Variants in DOK6 observed in about 807,000 individuals in gnomAD.
DOK6 encodes the protein downstream of tyrosine kinase 6.
A neutral mutation model predicts 44.0 loss-of-function variants in DOK6; 22 were observed. The ratio of observed to expected loss-of-function variants is 0.50; its 90% confidence interval spans 0.36 to 0.71. DOK6 has a LOEUF of 0.71. Among genes scored for constraint, DOK6 ranks in the 30% least tolerant of loss-of-function variants. The probability of loss-of-function intolerance (pLI) is 0.00; values close to 1 mark genes in which losing one functional copy is unlikely to be tolerated. For synonymous variants in DOK6, 166 were observed against 145.5 expected (o/e 1.14, Z -1.01); for missense variants, 340 against 416.4 (o/e 0.82, Z 1.60).
chr18:69,446,401 G>A (rs1979292890), intron 1 of DOK6, among the ~76,000 whole-genome samples: 1 of 151,762 alleles, frequency 6.6e-6, no homozygotes, highest in Admixed American at 6.6e-5. Flanking sequence ...GTTTTTTATG[G>A]CTGCATAGTA....
intron 2 of DOK6, among the ~76,000 whole-genome samples, chr18:69,575,568 A>C (rs1014921968): frequency 2.0e-5 from 3 of 152,142 alleles, no homozygotes; most frequent in African/African-American, 7.2e-5. Flanking sequence ...CAAATAAAAA[A>C]AAGTTGAGCC....
At chr18:69,439,110 A>G (rs1979066550) in intron 1 of DOK6, among the ~76,000 whole-genome samples, 2 of 152,122 alleles carry the variant, frequency 1.3e-5, no homozygotes, top group African/African-American at 4.8e-5. Flanking sequence ...CATTTCCATC[A>G]GAGCTCTTGG....
At chr18:69,624,099 G>A (rs934345206) in intron 3 of DOK6, among the ~76,000 whole-genome samples, 11 of 152,018 alleles carry the variant, frequency 7.2e-5, no homozygotes, top group Admixed American at 1.3e-4. Flanking sequence ...CATTATTTGA[G>A]GAGTTCTAGT....
At chr18:69,422,726 C>T (rs76485019) in intron 1 of DOK6, among the ~76,000 whole-genome samples, 5,555 of 152,152 alleles carry the variant, frequency 0.037, 159 homozygotes, top group Non-Finnish European at 0.052. Flanking sequence ...TTTTACTGCT[C>T]GCTCAATTAT....
At chr18:69,641,193 G>A (rs1264868991) in intron 3 of DOK6, among the ~76,000 whole-genome samples, 1 of 150,286 alleles carries the variant, frequency 6.7e-6, no homozygotes, top group African/African-American at 2.5e-5. Flanking sequence ...CCAGCCTGGT[G>A]ACAGAGCAAG....
chr18:69,657,725 C>G (rs551565897), intron 3 of DOK6, among the ~76,000 whole-genome samples: 1 of 152,158 alleles, frequency 6.6e-6, no homozygotes, highest in East Asian at 1.9e-4. Flanking sequence ...GGAAAACTGG[C>G]CCAACACAAG....
At chr18:69,795,905 G>C (rs991213520) in intron 7 of DOK6, among the ~76,000 whole-genome samples, 1 of 152,214 alleles carries the variant, frequency 6.6e-6, no homozygotes, top group African/African-American at 2.4e-5. Flanking sequence ...ACTGTGGAAA[G>C]CAGCTTTGAC....
At chr18:69,478,652 G>T (rs983885487) in intron 1 of DOK6, among the ~76,000 whole-genome samples, 6 of 151,840 alleles carry the variant, frequency 4.0e-5, no homozygotes, top group African/African-American at 1.5e-4. Context: ...TTTTTTATTG[G>T]AATAAGTTTT....
At position 69,841,311 on chromosome 18, in the gene DOK6, T is replaced by C. The variant is rs758002118; in HGVS notation, c.924T>C (p.Ser308=). The C allele has an allele frequency of 6.2e-7, 1 of 1,613,916 alleles. No individual in the cohort carries two copies. The highest frequency in any genetic ancestry group is 1.7e-5 in the Admixed American group (1 of 59,996). ...TTCCCAGCTACGCCCCAGAACAGAG[T>C]GAAGAGGCCCAGCAGCCGTTGTCGC... The part of the protein sequence containing the change: ...QTFPSYAPEQ[S]EEAQQPLSRS... The change falls in exon 8 of 8, where the codon AGT becomes AGC. Residue 308 remains serine (S), a synonymous_variant. Coordinates refer to ENST00000382713, the MANE Select transcript of DOK6 (RefSeq NM_152721.6).
At chr18:69,467,320 G>A (rs184149262) in intron 1 of DOK6, among the ~76,000 whole-genome samples, 1 of 152,146 alleles carries the variant, frequency 6.6e-6, no homozygotes, top group African/African-American at 2.4e-5. Context: ...TGATAAAGAT[G>A]AATGGAATAA....
chr18:69,515,174 T>G (rs993188332), intron 1 of DOK6, among the ~76,000 whole-genome samples: 4 of 152,188 alleles, frequency 2.6e-5, no homozygotes, highest in African/African-American at 9.6e-5. Context: ...TGCTTAATTG[T>G]GTAGTTTAGT....
At chr18:69,440,750 ACAAAC>A in intron 1 of DOK6, among the ~76,000 whole-genome samples, 1 of 75,118 alleles carries the variant, frequency 1.3e-5, no homozygotes, top group East Asian at 3.7e-4. Context: ...TTATACACAC[ACAAAC>A]ACACACACAC....
In DOK6 at chr18:69,766,370, C is replaced by A. The variant is rs1475997024; in HGVS notation, c.856+8497C>A. Among the ~76,000 whole-genome samples, 3 of 152,124 alleles carry A rather than the reference C, an allele frequency of 2.0e-5. No individual in the cohort carries two copies. In the East Asian group the frequency reaches 5.8e-4, roughly 29 times the overall value. On this transcript the variant is annotated intron_variant, in intron 7 of 7. Coordinates refer to ENST00000382713, the MANE Select transcript of DOK6 (RefSeq NM_152721.6). ...GCAGTATACCCAGCTAACAACCCTG[C>A]ACATGTACCCACTGAATCTAAAAGA...
intron 3 of DOK6, chr18:69,647,384 G>C (rs1270753240): frequency 6.6e-6 from 1 of 152,108 alleles, no homozygotes; most frequent in East Asian, 1.9e-4. Context: ...AGAGAAATAA[G>C]GCAGTCATCA....
chr18:69,622,032 T>G (rs1412620956), intron 3 of DOK6, among the ~76,000 whole-genome samples: 5 of 152,202 alleles, frequency 3.3e-5, no homozygotes, highest in African/African-American at 1.2e-4. Context: ...AGTAACAGAT[T>G]TTATGTTAAT....
At chr18:69,760,474 G>GTTCA (rs895592497) in intron 7 of DOK6, among the ~76,000 whole-genome samples, 3 of 152,060 alleles carry the variant, frequency 2.0e-5, no homozygotes, top group Non-Finnish European at 4.4e-5. Flanking sequence ...AAGAAGGAAA[G>GTTCA]TTCACCTTGG....
At chr18:69,727,352 C>T (rs2144728635) in intron 5 of DOK6, among the ~76,000 whole-genome samples, 1 of 152,028 alleles carries the variant, frequency 6.6e-6, no homozygotes, top group African/African-American at 2.4e-5. Flanking sequence ...GTCATTGGAG[C>T]CTGTTCTAGC....
intron 7 of DOK6, among the ~76,000 whole-genome samples, chr18:69,821,765 A>C (rs1244246845): frequency 6.9e-6 from 1 of 144,388 alleles, no homozygotes; most frequent in Non-Finnish European, 1.5e-5. Context: ...TTTCCATTTC[A>C]TATTTGTTGA....
chr18:69,707,602 T>A (rs1986663363), intron 5 of DOK6, among the ~76,000 whole-genome samples: 1 of 152,174 alleles, frequency 6.6e-6, no homozygotes. Flanking sequence ...TCTCCGTGGT[T>A]TATGCAACTG....
Sources: allele counts gnomAD v4.1 joint callset (sites outside exome capture counted in the v4.1 genomes callset), GRCh38; gene constraint gnomAD v4.1.1; transcripts MANE v1.5; gene names NCBI Gene and HGNC (gene_info 2026-07-23, HGNC 2026-07-21).